Variants in NOS1AP observed in about 807,000 individuals in gnomAD.
NOS1AP encodes the protein nitric oxide synthase 1 adaptor protein.
NOS1AP carries 21 observed loss-of-function variants against 56.2 expected under a neutral mutation model. The observed-to-expected ratio is 0.37, with a 90% confidence interval of 0.26 to 0.54. The LOEUF is 0.54. Ranked by LOEUF, NOS1AP falls within the 20% of genes least tolerant of loss-of-function variation. The pLI is 0.84. For synonymous variants in NOS1AP, 270 were observed against 274.6 expected (o/e 0.98, Z 0.17); for missense variants, 522 against 657.8 (o/e 0.79, Z 2.26).
At chr1:162,163,959 G>A (rs142955120) in intron 2 of NOS1AP, among the ~76,000 whole-genome samples, 1 of 152,108 alleles carries the variant, frequency 6.6e-6, no homozygotes, top group Non-Finnish European at 1.5e-5. Flanking sequence ...TTTAAACTGG[G>A]GCAGAACTGC....
At chr1:162,225,602 C>T (rs1435020504) in intron 2 of NOS1AP, among the ~76,000 whole-genome samples, 3 of 152,234 alleles carry the variant, frequency 2.0e-5, no homozygotes, top group Admixed American at 6.5e-5. Flanking sequence ...GCAGGTGCCT[C>T]ATAAACAATC....
At chr1:162,281,957 G>C (rs545967521) in intron 2 of NOS1AP, among the ~76,000 whole-genome samples, 2 of 152,308 alleles carry the variant, frequency 1.3e-5, no homozygotes, top group African/African-American at 4.8e-5. Context: ...AAAATTAGCT[G>C]GGCATGGTGG....
At chr1:162,147,934 G>T (rs748706420) in intron 1 of NOS1AP, among the ~76,000 whole-genome samples, 11 of 152,154 alleles carry the variant, frequency 7.2e-5, no homozygotes, top group South Asian at 4.1e-4. Flanking sequence ...TTCCTGGAAG[G>T]GGGGGATGCA....
At chr1:162,129,895 C>T (rs1648673637) in intron 1 of NOS1AP, among the ~76,000 whole-genome samples, 1 of 152,164 alleles carries the variant, frequency 6.6e-6, no homozygotes, top group African/African-American at 2.4e-5. Flanking sequence ...TAACTTTTCC[C>T]ATCTAAATTG....
chr1:162,129,456 C>A (rs1648648041), intron 1 of NOS1AP, among the ~76,000 whole-genome samples: 1 of 152,198 alleles, frequency 6.6e-6, no homozygotes, highest in Non-Finnish European at 1.5e-5. Context: ...TTTCCTACCT[C>A]TCACGTTTTC....
At chr1:162,345,608 T>TA (rs1657266537) in intron 6 of NOS1AP, among the ~76,000 whole-genome samples, 1 of 152,152 alleles carries the variant, frequency 6.6e-6, no homozygotes, top group East Asian at 1.9e-4. Context: ...CTCAAAAAGT[T>TA]AAAAAACAAC....
chr1:162,368,706 G>C lies in NOS1AP; in HGVS notation c.*1239G>C, dbSNP rs1876986. 1 of 152,136 alleles carries C rather than the reference G, an allele frequency of 6.6e-6. No homozygotes were observed. Among genetic ancestry groups the C allele is most frequent in the East Asian group, 1.9e-4 (1 of 5,174 alleles). The allele number at this position is 152,136 out of a possible 1,614,324, so 9.4% of individuals were successfully genotyped here. ...GGGCTGGCTGGGGCAATGAGGAAAA[G>C]CTCCTTTGCTCCTGTAAGGCCATAA... On this transcript the variant is annotated 3_prime_UTR_variant, in exon 10 of 10. Transcript: ENST00000361897.
chr1:162,266,466 G>A (rs12751794), intron 2 of NOS1AP, among the ~76,000 whole-genome samples: 3 of 152,138 alleles, frequency 2.0e-5, no homozygotes, highest in Non-Finnish European at 2.9e-5. Context: ...ACCATGAATC[G>A]CCTGGTAAGA....
chr1:162,201,343 G>C (rs1022223683), intron 2 of NOS1AP, among the ~76,000 whole-genome samples: 1 of 152,088 alleles, frequency 6.6e-6, no homozygotes, highest in Admixed American at 6.5e-5. Flanking sequence ...ATATCCTTTA[G>C]TCTATCACTG....
At chr1:162,127,594 AT>A (rs1648546794) in intron 1 of NOS1AP, among the ~76,000 whole-genome samples, 1 of 152,098 alleles carries the variant, frequency 6.6e-6, no homozygotes, top group Non-Finnish European at 1.5e-5. Flanking sequence ...TGATGTTGGC[AT>A]CTTCTCTGCT....
chr1:162,308,798 C>T (rs1177805692), intron 4 of NOS1AP, among the ~76,000 whole-genome samples: 4 of 152,224 alleles, frequency 2.6e-5, no homozygotes, highest in African/African-American at 9.6e-5. Flanking sequence ...GTCCTACCCT[C>T]AAGGAATATG....
intron 1 of NOS1AP, among the ~76,000 whole-genome samples, chr1:162,153,559 G>T (rs1649806482): frequency 1.3e-5 from 2 of 152,348 alleles, no homozygotes; most frequent in Middle Eastern, 3.4e-3. Flanking sequence ...ATGTCCACCA[G>T]TAGGGGAGCC....
intron 1 of NOS1AP, among the ~76,000 whole-genome samples, chr1:162,132,568 C>T (rs6689448): frequency 0.043 from 6,545 of 152,296 alleles, 228 homozygotes; most frequent in East Asian, 0.18. Context: ...GAGATCACGG[C>T]AATCAGATGA....
At chr1:162,351,501 C>T (rs1657494663) in intron 6 of NOS1AP, among the ~76,000 whole-genome samples, 1 of 152,148 alleles carries the variant, frequency 6.6e-6, no homozygotes, top group Non-Finnish European at 1.5e-5. Flanking sequence ...TGCTTGTCCC[C>T]CCCTTCTGTC....
chr1:162,177,662 T>C (rs1212366351), intron 2 of NOS1AP, among the ~76,000 whole-genome samples: 1 of 152,254 alleles, frequency 6.6e-6, no homozygotes, highest in Non-Finnish European at 1.5e-5. Context: ...AACTAAATGA[T>C]GTGATTTTTC....
chr1:162,210,589 C>T (rs1157392985), intron 2 of NOS1AP, among the ~76,000 whole-genome samples: 3 of 152,144 alleles, frequency 2.0e-5, no homozygotes, highest in Admixed American at 6.5e-5. Flanking sequence ...TTATAGGCTC[C>T]GTGTGGAGTT....
intron 1 of NOS1AP, among the ~76,000 whole-genome samples, chr1:162,120,452 T>G (rs1648165353): frequency 6.6e-6 from 1 of 152,202 alleles, no homozygotes; most frequent in African/African-American, 2.4e-5. Context: ...CCATTTTCAC[T>G]CTGCTGATAA....
At chr1:162,255,490 ATTTT>A (rs35637289) in intron 2 of NOS1AP, among the ~76,000 whole-genome samples, 8 of 60,994 alleles carry the variant, frequency 1.3e-4, no homozygotes, top group Admixed American at 2.2e-4. Context: ...GCTGCTGCTG[ATTTT>A]TTTTTTTTTT....
At chr1:162,258,944 CTCTG>C (rs1654120227) in intron 2 of NOS1AP, among the ~76,000 whole-genome samples, 1 of 152,130 alleles carries the variant, frequency 6.6e-6, no homozygotes, top group South Asian at 2.1e-4. Context: ...CCATTAGGAC[CTCTG>C]ATGGCTAATT....
Sources: gnomAD v4.1 joint callset for allele counts (sites outside exome capture counted in the v4.1 genomes callset) on GRCh38, gnomAD v4.1.1 for gene constraint, MANE v1.5 for transcripts, NCBI Gene and HGNC (gene_info 2026-07-23, HGNC 2026-07-21) for gene names.